The following TMEM135 variants were observed in gnomAD, a reference collection of about 807,000 sequenced individuals.
TMEM135 encodes transmembrane protein 135.
A neutral mutation model predicts 60.3 loss-of-function variants in TMEM135; 30 were observed. The observed-to-expected ratio is 0.50, with a 90% CI of 0.37 to 0.68. The LOEUF is 0.68. TMEM135 is among the 30% of genes least tolerant of loss of function. The pLI is 0.00. For missense variants in TMEM135, 468 were observed against 548.8 expected (o/e 0.85, Z 1.47); for synonymous variants, 190 against 186.7 (o/e 1.02, Z -0.14).
intron 3 of TMEM135, among the ~76,000 whole-genome samples, chr11:87,072,201 C>T (rs1173118295): frequency 6.6e-6 from 1 of 152,028 alleles, no homozygotes; most frequent in Non-Finnish European, 1.5e-5. Flanking sequence ...TCTCAAAAAA[C>T]AAGCAAATAA....
At chr11:87,242,101 G>C (rs1169588200) in intron 6 of TMEM135, among the ~76,000 whole-genome samples, 1 of 151,192 alleles carries the variant, frequency 6.6e-6, no homozygotes, top group Admixed American at 6.6e-5. Context: ...AACATGCGGT[G>C]TTTGGTTTTT....
Position 87,323,016 on chromosome 11 carries a change from C to G in TMEM135, c.*1683C>G, listed in dbSNP as rs1452890385. ...TACTGTTTAAAATGAAGTACTAAAG[C>G]CCTGAGAACTGCACCTCATTTTCTT... is the stretch of plus-strand genomic sequence containing the variant. On this transcript the variant is annotated 3_prime_UTR_variant, in exon 15 of 15. Transcript: ENST00000305494. The G allele has an allele frequency of 2.2e-6, 1 of 454,328 alleles. No homozygotes were observed. The highest frequency in any genetic ancestry group is 4.4e-6 in the Non-Finnish European group (1 of 226,704). 28.1% of individuals were successfully genotyped at this position (454,328 alleles called of 1,614,324 possible). A position where few individuals can be genotyped will look rare whatever the true frequency, so the allele number is the denominator to read the frequency against.
At chr11:87,202,092 C>T (rs912795232) in intron 5 of TMEM135, among the ~76,000 whole-genome samples, 1 of 152,050 alleles carries the variant, frequency 6.6e-6, no homozygotes, top group Admixed American at 6.6e-5. Context: ...ATGGCGTGGT[C>T]TCAGCTCATT....
chr11:87,321,388 T>A lies in TMEM135; in HGVS notation c.*55T>A. The A allele has an allele frequency of 6.3e-7, 1 of 1,598,198 alleles. No homozygotes were observed. The highest frequency in any genetic ancestry group is 8.6e-7 in the Non-Finnish European group (1 of 1,166,416). On this transcript the variant is annotated 3_prime_UTR_variant, in exon 15 of 15. Coordinates refer to ENST00000305494, the MANE Select transcript of TMEM135 (RefSeq NM_022918.4). ...ATGTTTCATCTTGAAGAGTTAATTATGTTGAACACAAAGGAGGGGGCCCAA... is the reference window on the plus strand; with the variant it reads ...ATGTTTCATCTTGAAGAGTTAATTAAGTTGAACACAAAGGAGGGGGCCCAA...
intron 6 of TMEM135, among the ~76,000 whole-genome samples, chr11:87,263,579 A>G (rs1381177193): frequency 6.6e-6 from 1 of 152,158 alleles, no homozygotes; most frequent in Admixed American, 6.5e-5. Flanking sequence ...CTGTAAGCTG[A>G]TTTAGTGTTC....
rs142569818 is a variant in TMEM135 at position 87,129,691 on chromosome 11, C to A, written c.397-27650C>A. 5.5e-3 allele frequency among the ~76,000 whole-genome samples: 830 copies of A among 151,730 alleles called. 1 individual carries two copies. The highest frequency in any genetic ancestry group is 8.8e-3 in the Non-Finnish European group (597 of 67,940). ...GAGTAGCTGGAGTTATAGGCCTGTG[C>A]CCCCACACCTGGCTAATTTTTGTAT... On this transcript the variant is annotated intron_variant, in intron 4 of 14. Transcript: ENST00000305494.
intron 5 of TMEM135, among the ~76,000 whole-genome samples, chr11:87,197,809 G>GT (rs535757260): frequency 2.0e-5 from 3 of 151,578 alleles, no homozygotes; most frequent in African/African-American, 7.3e-5. Context: ...TTACTAAAAA[G>GT]TTTTTTTTAT....
intron 5 of TMEM135, among the ~76,000 whole-genome samples, chr11:87,231,954 C>CTTT (rs756771540): frequency 1.4e-5 from 2 of 142,072 alleles, no homozygotes; most frequent in East Asian, 2.1e-4. Flanking sequence ...AGAAAAGAGA[C>CTTT]TTTTTTTTTT....
rs1320732136 is a variant in TMEM135, at chr11:87,223,663, G to GCACACACACACACACA, written c.463-12972_463-12971insACACACACACACACAC. The stretch of plus-strand genomic sequence containing the variant: ...CTGTCTCTACTAAAAATACGCACAT[G>GCACACACACACACACA]CACGCACACACACACACACACACAC... On this transcript the variant is annotated intron_variant, in intron 5 of 14. Coordinates refer to ENST00000305494, the MANE Select transcript of TMEM135 (RefSeq NM_022918.4). Among the ~76,000 whole-genome samples the GCACACACACACACACA allele has an allele frequency of 5.9e-3, 778 of 130,930 alleles. 6 individuals carry two copies. Among genetic ancestry groups the GCACACACACACACACA allele is most frequent in the African/African-American group, 0.021 (712 of 33,522 alleles). 85.9% of individuals were successfully genotyped at this position (130,930 alleles called of 152,430 possible). A position where few individuals can be genotyped will look rare whatever the true frequency, so the allele number is the denominator to read the frequency against.
intron 6 of TMEM135, chr11:87,259,068 GGAGA>G: frequency 7.7e-7 from 1 of 1,290,826 alleles, no homozygotes; most frequent in East Asian, 2.4e-5. Context: ...CCACAAAGAG[GGAGA>G]GAAAGAAGAG....
intron 6 of TMEM135, among the ~76,000 whole-genome samples, chr11:87,261,078 A>G (rs1280184485): frequency 6.6e-6 from 1 of 152,200 alleles, no homozygotes; most frequent in African/African-American, 2.4e-5. Flanking sequence ...TCTCTTGGCA[A>G]CCTATTCTAG....
chr11:87,242,359 A>G (rs942004300), intron 6 of TMEM135, among the ~76,000 whole-genome samples: 4 of 151,006 alleles, frequency 2.6e-5, no homozygotes, highest in African/African-American at 7.3e-5. Context: ...TCCTTTGGGT[A>G]TATACCCAGT....
At position 87,317,764 on chromosome 11, in the gene TMEM135, A is replaced by G. The variant is rs540543497; in HGVS notation, c.1078-373A>G. Among the ~76,000 whole-genome samples, 27 of 152,302 alleles carry G rather than the reference A, an allele frequency of 1.8e-4. No homozygotes were observed. In the East Asian group the frequency reaches 5.0e-3, roughly 28 times the overall value. Reference sequence around the variant, plus strand: ...ATTTATATTCTTTATTTTGTGGAGAATAGTGCCCGGCGTGTAGACACCATT... The same window carrying G: ...ATTTATATTCTTTATTTTGTGGAGAGTAGTGCCCGGCGTGTAGACACCATT... On this transcript the variant is annotated intron_variant, in intron 12 of 14. Transcript: ENST00000305494.
chr11:87,131,299 C>T (rs146647173), intron 4 of TMEM135, among the ~76,000 whole-genome samples: 1 of 147,754 alleles, frequency 6.8e-6, no homozygotes, highest in Non-Finnish European at 1.5e-5. Context: ...TGTCATATAT[C>T]CACCATTACG....
intron 1 of TMEM135, among the ~76,000 whole-genome samples, chr11:87,066,862 C>G (rs1856673208): frequency 6.7e-6 from 1 of 148,544 alleles, no homozygotes; most frequent in Non-Finnish European, 1.5e-5. Context: ...CTCACTGCAA[C>G]CTCCGCCTCC....
In TMEM135 at chr11:87,163,547, G is replaced by A. The variant is rs374205836; in HGVS notation, c.462+6141G>A. On this transcript the variant is annotated intron_variant, in intron 5 of 14. Transcript: ENST00000305494. ...GCATGATTTATAGTCCTTTGGGTAT[G>A]TACCCAGTAATGGGATGGCTGGGTC... is the stretch of plus-strand genomic sequence containing the variant. Among the ~76,000 whole-genome samples, 7 of 152,154 alleles carry A rather than the reference G, an allele frequency of 4.6e-5. 1 individual carries two copies. In the South Asian group the frequency reaches 6.2e-4, roughly 14 times the overall value.
intron 5 of TMEM135, among the ~76,000 whole-genome samples, chr11:87,187,786 C>A (rs965167226): frequency 1.1e-4 from 16 of 152,164 alleles, no homozygotes; most frequent in African/African-American, 3.9e-4. Flanking sequence ...TAGCCACCAT[C>A]CAATTACAAC....
intron 5 of TMEM135, among the ~76,000 whole-genome samples, chr11:87,191,831 A>G (rs147252018): frequency 1.0e-3 from 156 of 152,100 alleles, no homozygotes; most frequent in African/African-American, 3.5e-3. Context: ...TTTCCTTATT[A>G]TCTATGTTTT....
chr11:87,171,636 A>G (rs908868315), intron 5 of TMEM135, among the ~76,000 whole-genome samples: 7 of 152,174 alleles, frequency 4.6e-5, no homozygotes, highest in Admixed American at 3.3e-4. Flanking sequence ...TTTATACTTC[A>G]GAAAATGAGC....
Sources: gnomAD v4.1 joint callset for allele counts (sites outside exome capture counted in the v4.1 genomes callset) on GRCh38, gnomAD v4.1.1 for gene constraint, MANE v1.5 for transcripts, NCBI Gene and HGNC (gene_info 2026-07-23, HGNC 2026-07-21) for gene names.